The following PCDHA13 variants were observed in gnomAD, a reference collection of about 807,000 sequenced individuals.
PCDHA13 encodes protocadherin alpha-13.
PCDHA13 carries 54 observed loss-of-function variants against 64.8 expected under a neutral mutation model. The observed-to-expected ratio is 0.83, with a 90% CI of 0.67 to 1.04. The LOEUF (loss-of-function observed/expected upper bound fraction) is 1.04, where lower values mean the gene tolerates loss of function less well. PCDHA13 is among the 50% of genes least tolerant of loss of function. PCDHA13 has a pLI of 0.00. For missense variants in PCDHA13, 1,248 were observed against 1,254.3 expected, an observed-to-expected ratio of 0.99 and a Z score of 0.08; for synonymous variants, 587 against 564.4, an observed-to-expected ratio of 1.04 and a Z score of -0.57.
At position 140,883,814 on chromosome 5, in the gene PCDHA13, A is replaced by C. The variant is rs782678422; in HGVS notation, c.1546A>C (p.Lys516Gln). 6.2e-7 allele frequency: 1 copy of C among 1,612,478 alleles called. No homozygotes were observed. ...CGTGTCGGTGCACGCGGAGAGCGGC[A>C]AGGTGTACGCGCTGCAGCCGTTGGA... ...SYVSVHAESG[K>Q]VYALQPLDHE... The change falls in exon 1 of 4, where the codon AAG (lysine) becomes CAG (glutamine). Residue 516 changes from lysine (K) to glutamine (Q), a missense_variant. Coordinates refer to ENST00000289272, the MANE Select transcript of PCDHA13 (RefSeq NM_018904.3).
At chr5:140,897,451 TC>T (rs2066120094) in intron 1 of PCDHA13, among the ~76,000 whole-genome samples, 1 of 151,584 alleles carries the variant, frequency 6.6e-6, no homozygotes, top group Non-Finnish European at 1.5e-5. Context: ...TGGTTTTTTG[TC>T]CTTGCGATAG....
At chr5:140,938,158 C>G (rs1308976624) in intron 1 of PCDHA13, among the ~76,000 whole-genome samples, 1 of 152,112 alleles carries the variant, frequency 6.6e-6, no homozygotes, top group African/African-American at 2.4e-5. Flanking sequence ...ATTGCCCAGG[C>G]TAGTCTGGAG....
chr5:140,980,317 A>G (rs1435571559), intron 2 of PCDHA13, among the ~76,000 whole-genome samples: 1 of 152,194 alleles, frequency 6.6e-6, no homozygotes, highest in Non-Finnish European at 1.5e-5. Context: ...TAAAAACTAC[A>G]TTTGAAATAA....
intron 1 of PCDHA13, among the ~76,000 whole-genome samples, chr5:140,889,879 T>G (rs2062416989): frequency 6.6e-6 from 1 of 152,162 alleles, no homozygotes; most frequent in South Asian, 2.1e-4. Flanking sequence ...CCTGCCACCA[T>G]GTAAGAATTC....
chr5:140,948,525 A>G (rs187765359), intron 1 of PCDHA13, among the ~76,000 whole-genome samples: 2 of 151,708 alleles, frequency 1.3e-5, no homozygotes, highest in Admixed American at 1.3e-4. Flanking sequence ...AACACTATTT[A>G]TATTTTATTT....
chr5:140,883,397 C>A lies in PCDHA13; in HGVS notation c.1129C>A (p.Arg377Ser). ...AIIALISVSDRDSGSNGQVTC... is the reference protein window; with the variant it reads ...AIIALISVSDSDSGSNGQVTC... Reference sequence around the variant, plus strand: ...TATTGCCCTAATCAGTGTGTCCGATCGTGACTCTGGCTCAAATGGACAGGT... The same window carrying A: ...TATTGCCCTAATCAGTGTGTCCGATAGTGACTCTGGCTCAAATGGACAGGT... Residue 377 changes from arginine (R) to serine (S), a missense_variant, in exon 1 of 4, where the codon CGT becomes AGT. Transcript: ENST00000289272. 1 of 1,614,170 alleles carries A rather than the reference C, an allele frequency of 6.2e-7. No individual in the cohort carries two copies.
chr5:140,995,893 A>T (rs1038677586), intron 3 of PCDHA13, among the ~76,000 whole-genome samples: 1 of 152,182 alleles, frequency 6.6e-6, no homozygotes, highest in Non-Finnish European at 1.5e-5. Flanking sequence ...AGATTTATCA[A>T]TGTATAAAAG....
intron 1 of PCDHA13, chr5:140,927,270 C>A (rs541200655): frequency 1.2e-6 from 2 of 1,614,034 alleles, no homozygotes; most frequent in Non-Finnish European, 1.7e-6. Context: ...TCTTTCCTGC[C>A]GGCGACGTGC....
chr5:140,972,080 AAG>A (rs1446545098), intron 1 of PCDHA13, among the ~76,000 whole-genome samples: 8 of 152,208 alleles, frequency 5.3e-5, no homozygotes, highest in African/African-American at 1.9e-4. Flanking sequence ...CTTTTGGAAA[AAG>A]AGTAATTTCT....
chr5:141,001,403 G>C (rs2098015477), intron 3 of PCDHA13, among the ~76,000 whole-genome samples: 1 of 152,232 alleles, frequency 6.6e-6, no homozygotes, highest in Non-Finnish European at 1.5e-5. Flanking sequence ...AGAACAGGGA[G>C]TATATTTTTA....
In PCDHA13 at chr5:140,882,341, G is replaced by A. The variant is rs782271839; in HGVS notation, c.73G>A (p.Glu25Lys). 5.6e-6 allele frequency: 9 copies of A among 1,614,058 alleles called. No individual in the cohort carries two copies. The Admixed American group carries it at 1.3e-4, about 24-fold the overall frequency. ...CTGGCTTCTGATCCTCGCAGCCTGGGAGACGGGTAGTGGCCAGCTCCACTA... is the reference window on the plus strand; with the variant it reads ...CTGGCTTCTGATCCTCGCAGCCTGGAAGACGGGTAGTGGCCAGCTCCACTA... Reference protein sequence around the residue: ...LLWLLILAAWETGSGQLHYSV... With the variant: ...LLWLLILAAWKTGSGQLHYSV... Residue 25 changes from glutamate to lysine, a missense_variant, in exon 1 of 4, where the codon GAG becomes AAG. Physicochemically the swap from Glu to Lys is moderately conservative, Grantham distance 56 (BLOSUM62 1). Coordinates refer to ENST00000289272, the MANE Select transcript of PCDHA13 (RefSeq NM_018904.3).
chr5:140,999,985 G>T (rs1451778210), intron 3 of PCDHA13, among the ~76,000 whole-genome samples: 1 of 152,022 alleles, frequency 6.6e-6, no homozygotes, highest in African/African-American at 2.4e-5. Context: ...AGCGGCCTCT[G>T]GGTAGTGGTA....
intron 1 of PCDHA13, among the ~76,000 whole-genome samples, chr5:140,920,583 C>T (rs1287573835): frequency 1.3e-5 from 2 of 152,106 alleles, no homozygotes; most frequent in African/African-American, 4.8e-5. Flanking sequence ...CAGTGGCTCA[C>T]GCCTGTAATC....
rs781959040 is a variant in PCDHA13 at position 140,968,057 on chromosome 5, C to A, written c.2395-10892C>A. 2.5e-6 allele frequency: 4 copies of A among 1,613,992 alleles called. 1 individual carries two copies. Among genetic ancestry groups the A allele is most frequent in the South Asian group, 2.2e-5 (2 of 91,082 alleles). ...GGTGAGCGGCCCACTGGACCGAGAGCGGGTGGCTGTCTACAACATCACGGT... is the reference window on the plus strand; with the variant it reads ...GGTGAGCGGCCCACTGGACCGAGAGAGGGTGGCTGTCTACAACATCACGGT... On this transcript the variant is annotated intron_variant, in intron 1 of 3. Transcript: ENST00000289272.
chr5:140,973,974 T>C (rs2096609755), intron 1 of PCDHA13, among the ~76,000 whole-genome samples: 1 of 152,224 alleles, frequency 6.6e-6, no homozygotes. Context: ...TAAATGTGGC[T>C]TTTACAGAAC....
At chr5:140,903,166 T>C (rs758397398) in intron 1 of PCDHA13, among the ~76,000 whole-genome samples, 34 of 152,226 alleles carry the variant, frequency 2.2e-4, no homozygotes, top group Non-Finnish European at 2.5e-4. Context: ...TGTGCTGGTT[T>C]ACATTCCCAC....
intron 3 of PCDHA13, among the ~76,000 whole-genome samples, chr5:140,987,258 G>A (rs1292743876): frequency 6.6e-6 from 1 of 151,918 alleles, no homozygotes; most frequent in Non-Finnish European, 1.5e-5. Context: ...ACATTCTCAG[G>A]AATGGGACCC....
intron 3 of PCDHA13, among the ~76,000 whole-genome samples, chr5:140,990,586 A>G (rs544396898): frequency 7.2e-5 from 11 of 152,284 alleles, no homozygotes; most frequent in African/African-American, 2.6e-4. Flanking sequence ...CTTTTCCTAT[A>G]ATCACCTGGA....
chr5:140,939,195 C>T (rs1554212604), intron 1 of PCDHA13, among the ~76,000 whole-genome samples: 1 of 152,122 alleles, frequency 6.6e-6, no homozygotes, highest in East Asian at 1.9e-4. Flanking sequence ...GTTCATAAAA[C>T]AGAATGTCAC....
Sources: allele counts gnomAD v4.1 joint callset (sites outside exome capture counted in the v4.1 genomes callset), GRCh38; gene constraint gnomAD v4.1.1; transcripts MANE v1.5; gene names NCBI Gene and HGNC (gene_info 2026-07-23, HGNC 2026-07-21).